Variants in COLGALT2 observed in about 807,000 individuals in gnomAD.
COLGALT2 encodes the protein collagen beta(1-O)galactosyltransferase 2, also known as procollagen galactosyltransferase 2.
Under a neutral mutation model 73.4 loss-of-function variants are expected in COLGALT2, and 49 were observed. The ratio of observed to expected loss-of-function variants is 0.67; its 90% CI spans 0.53 to 0.85. The LOEUF is 0.85. Among genes scored for constraint, COLGALT2 ranks in the 40% least tolerant of loss-of-function variants. The pLI is 0.00. For missense variants in COLGALT2, 722 were observed against 790.2 expected, an observed-to-expected ratio of 0.91 and a Z score of 1.03; for synonymous variants, 295 against 307.6, an observed-to-expected ratio of 0.96 and a Z score of 0.43.
intron 8 of COLGALT2, among the ~76,000 whole-genome samples, chr1:183,949,015 A>G (rs1670322157): frequency 1.3e-5 from 2 of 152,236 alleles, no homozygotes; most frequent in South Asian, 4.1e-4. Context: ...ACTTAGGAGT[A>G]TATTTAACAA....
chr1:183,971,632 G>C (rs1671039520), intron 4 of COLGALT2, among the ~76,000 whole-genome samples: 1 of 152,148 alleles, frequency 6.6e-6, no homozygotes, highest in Non-Finnish European at 1.5e-5. Context: ...TCCCAAAAGA[G>C]ACACAGAAAA....
At chr1:184,030,484 C>G (rs891374161) in intron 1 of COLGALT2, among the ~76,000 whole-genome samples, 5 of 152,092 alleles carry the variant, frequency 3.3e-5, no homozygotes, top group African/African-American at 4.8e-5. Flanking sequence ...TACTATAGTC[C>G]TATATAAGCC....
intron 2 of COLGALT2, among the ~76,000 whole-genome samples, chr1:183,976,812 T>C (rs1008564405): frequency 1.3e-5 from 2 of 152,160 alleles, no homozygotes; most frequent in Admixed American, 1.3e-4. Flanking sequence ...ACATAGAATA[T>C]AAGCAATACA....
At chr1:183,957,122 T>G (rs933441759) in intron 6 of COLGALT2, among the ~76,000 whole-genome samples, 1 of 152,098 alleles carries the variant, frequency 6.6e-6, no homozygotes, top group African/African-American at 2.4e-5. Flanking sequence ...TACAGAGGTC[T>G]TATCACTCAC....
At chr1:183,994,061 C>CA (rs1460569877) in intron 1 of COLGALT2, among the ~76,000 whole-genome samples, 8 of 92,704 alleles carry the variant, frequency 8.6e-5, no homozygotes, top group Non-Finnish European at 3.9e-5. Flanking sequence ...TTTTTTGAGA[C>CA]AGAGTCTTGC....
downstream of COLGALT2, chr1:183,929,809 T>A (rs1159518732): frequency 6.5e-6 from 1 of 155,028 alleles, no homozygotes; most frequent in Non-Finnish European, 1.4e-5. Flanking sequence ...TTGGAAGGGA[T>A]GTGTTAGGCT....
At position 183,945,464 on chromosome 1, in the gene COLGALT2, A is replaced by G; in HGVS notation, c.1237T>C (p.Cys413Arg). 6.2e-7 allele frequency: 1 copy of G among 1,614,246 alleles called. No individual in the cohort carries two copies. Among genetic ancestry groups the G allele is most frequent in the Non-Finnish European group, 8.5e-7 (1 of 1,180,036 alleles). ...SRPLTRGEIG[C>R]FLSHYSVWKE... ...CAGACTGAGTAGTGGCTGAGAAAGC[A>G]GCCGATTTCACCCCTTGTTAGAGGC... The change falls in exon 9 of 12, where the codon TGC becomes CGC. Residue 413 changes from cysteine to arginine, a missense_variant. By Grantham distance (180) the Cys-to-Arg change is radical. Coordinates refer to ENST00000361927, the MANE Select transcript of COLGALT2 (RefSeq NM_015101.4).
At chr1:183,971,774 A>G (rs922141757) in intron 4 of COLGALT2, among the ~76,000 whole-genome samples, 5 of 152,236 alleles carry the variant, frequency 3.3e-5, no homozygotes, top group African/African-American at 1.2e-4. Flanking sequence ...ACATGTTGAT[A>G]GCTTGGAATC....
chr1:183,963,995 T>C lies in COLGALT2; in HGVS notation c.858A>G (p.Arg286=), dbSNP rs1176436402. The change falls in exon 6 of 12, where the codon AGA becomes AGG. Residue 286 remains arginine (R), a synonymous_variant. Coordinates refer to ENST00000361927, the MANE Select transcript of COLGALT2 (RefSeq NM_015101.4). ...QAGIQMYLCN[R]EHYGYLPIPL... is the part of the protein sequence containing the mutation. The stretch of plus-strand genomic sequence containing the variant: ...GGATGGGCAGGTAGCCATAGTGCTC[T>C]CTGTTGCAGAGGTACATCTGGATGC... 2 of 1,613,432 alleles carry C rather than the reference T, an allele frequency of 1.2e-6. No homozygotes were observed. The highest frequency in any genetic ancestry group is 1.7e-5 in the Admixed American group (1 of 59,926).
At chr1:183,991,915 C>T (rs1037754907) in intron 1 of COLGALT2, among the ~76,000 whole-genome samples, 3 of 151,968 alleles carry the variant, frequency 2.0e-5, no homozygotes, top group Non-Finnish European at 2.9e-5. Flanking sequence ...GAAGGAACAC[C>T]GTGTGCTCCT....
At chr1:183,933,461 C>T (rs959800214), downstream of COLGALT2, among the ~76,000 whole-genome samples, 7 of 152,156 alleles carry the variant, frequency 4.6e-5, no homozygotes, top group Non-Finnish European at 8.8e-5. Flanking sequence ...CCCTTCAAGT[C>T]TTCACAATTT....
At chr1:183,979,415 T>C (rs575570225) in intron 1 of COLGALT2, among the ~76,000 whole-genome samples, 1 of 152,208 alleles carries the variant, frequency 6.6e-6, no homozygotes, top group Admixed American at 6.5e-5. Flanking sequence ...GACTTTATAA[T>C]ACTAAAGGAG....
intron 4 of COLGALT2, among the ~76,000 whole-genome samples, chr1:183,969,752 T>C (rs1196295964): frequency 6.6e-6 from 1 of 152,340 alleles, no homozygotes; most frequent in Non-Finnish European, 1.5e-5. Context: ...TATTTTATGT[T>C]GACTTATGAT....
At chr1:184,009,040 T>C (rs1672165695) in intron 1 of COLGALT2, among the ~76,000 whole-genome samples, 1 of 152,208 alleles carries the variant, frequency 6.6e-6, no homozygotes, top group Non-Finnish European at 1.5e-5. Flanking sequence ...ATGAAAGTCT[T>C]CTGTGTATAC....
chr1:183,987,569 C>G (rs1264658902), intron 1 of COLGALT2, among the ~76,000 whole-genome samples: 1 of 152,232 alleles, frequency 6.6e-6, no homozygotes, highest in East Asian at 1.9e-4. Flanking sequence ...TTTCTTTCTT[C>G]ATTACTTGAC....
intron 3 of COLGALT2, among the ~76,000 whole-genome samples, chr1:183,974,512 A>G: frequency 6.6e-6 from 1 of 152,256 alleles, no homozygotes; most frequent in East Asian, 1.9e-4. Flanking sequence ...ACAATGTTAA[A>G]TATTGTCAGT....
intron 2 of COLGALT2, 132 bp from the exon 3 acceptor site, chr1:183,975,346 T>G (rs1454053397): frequency 3.4e-6 from 2 of 586,248 alleles, no homozygotes; most frequent in African/African-American, 1.9e-5. Context: ...GTTATCATCA[T>G]CCCCATATTA....
intron 1 of COLGALT2, among the ~76,000 whole-genome samples, chr1:183,985,447 T>A (rs1376098832): frequency 1.3e-5 from 2 of 152,150 alleles, no homozygotes; most frequent in African/African-American, 2.4e-5. Flanking sequence ...TAATTTTGTA[T>A]TTTTAGTAGA....
In COLGALT2 at chr1:184,037,183, C is replaced by T; in HGVS notation, c.175G>A (p.Val59Ile). ...GTGTGCGCCGCGTTGCGGGCGAGGA[C>T]CGCCACGAGCACCGTGGGGCTCTGC... ...PLQSPTVLVAVLARNAAHTLP... is the reference protein window; with the variant it reads ...PLQSPTVLVAILARNAAHTLP... Residue 59 changes from valine (V) to isoleucine (I), a missense_variant, in exon 1 of 12, where the codon GTC becomes ATC. Transcript: ENST00000361927. 1 of 1,604,924 alleles carries T rather than the reference C, an allele frequency of 6.2e-7. No individual in the cohort carries two copies. Among genetic ancestry groups the T allele is most frequent in the South Asian group, 1.1e-5 (1 of 90,228 alleles).
Sources: gnomAD v4.1 joint callset for allele counts (sites outside exome capture counted in the v4.1 genomes callset) on GRCh38, gnomAD v4.1.1 for gene constraint, MANE v1.5 for transcripts, NCBI Gene and HGNC (gene_info 2026-07-23, HGNC 2026-07-21) for gene names.